Variants in KLF8 observed in about 807,000 individuals in gnomAD.
KLF8 encodes Krueppel-like factor 8.
Under a neutral mutation model 18.2 loss-of-function variants are expected in KLF8, and 10 were observed. The ratio of observed to expected loss-of-function variants is 0.55; its 90% CI spans 0.34 to 0.93. The LOEUF (loss-of-function observed/expected upper bound fraction) is 0.93. Among genes scored for constraint, KLF8 ranks in the 40% least tolerant of loss-of-function variants. The pLI is 0.02. For synonymous variants in KLF8, 109 were observed against 97.3 expected (o/e 1.12, Z -0.71); for missense variants, 264 against 277.9 (o/e 0.95, Z 0.36).
the KLF8 span, among the ~76,000 whole-genome samples, chrX:56,173,535 T>A: frequency 8.9e-6 from 1 of 112,169 alleles, no homozygotes; most frequent in East Asian, 2.8e-4. Context: ...GGTAGCGTGA[T>A]GCCTCCAGCT....
At chrX:56,120,983 G>GCA in the KLF8 span, among the ~76,000 whole-genome samples, 1 of 110,473 alleles carries the variant, frequency 9.1e-6, no homozygotes, top group African/African-American at 3.3e-5. Context: ...TCAGGAGATT[G>GCA]AGACCATCCT....
the KLF8 span, among the ~76,000 whole-genome samples, chrX:56,151,264 TA>T: frequency 9.0e-6 from 1 of 111,551 alleles, no homozygotes; most frequent in African/African-American, 3.3e-5. Flanking sequence ...GGTAGGGATG[TA>T]GTCTTTTTTT....
chrX:56,198,039 C>T, the KLF8 span, among the ~76,000 whole-genome samples: 3 of 111,983 alleles, frequency 2.7e-5, no homozygotes, highest in Non-Finnish European at 5.6e-5. Context: ...AATTCAACAG[C>T]CTTCCATGCT....
At chrX:56,003,879 G>A in the KLF8 span, among the ~76,000 whole-genome samples, 2 of 111,808 alleles carry the variant, frequency 1.8e-5, no homozygotes, top group Admixed American at 9.5e-5. Context: ...ATCATTTTCC[G>A]TGACACAAAG....
At chrX:56,199,394 A>G in the KLF8 span, among the ~76,000 whole-genome samples, 28 of 112,052 alleles carry the variant, frequency 2.5e-4, no homozygotes, top group Admixed American at 2.6e-3. Flanking sequence ...ATTTACAAGA[A>G]AAAAACAAAC....
At chrX:56,078,383 G>A in the KLF8 span, among the ~76,000 whole-genome samples, 8 of 112,123 alleles carry the variant, frequency 7.1e-5, no homozygotes, top group East Asian at 2.0e-3. Context: ...GGCCCTTTCT[G>A]CATCTATTGA....
Position 56,233,101 on chromosome X carries a change from G to A in KLF8, c.-234G>A, listed in dbSNP as rs776831227. On this transcript the variant is annotated 5_prime_UTR_variant, in exon 1 of 6. Transcript: ENST00000468660. ...GCTTTGTTTCCCTTGTTCCGAGAGTGGCCCAGCTGGGTCTGAATCGACTCC... is the reference window on the plus strand; with the variant it reads ...GCTTTGTTTCCCTTGTTCCGAGAGTAGCCCAGCTGGGTCTGAATCGACTCC... 124 of 396,241 alleles carry A rather than the reference G, an allele frequency of 3.1e-4. No homozygotes were observed. Among genetic ancestry groups the A allele is most frequent in the African/African-American group, 2.7e-3 (109 of 39,968 alleles). The allele number at this position is 396,241 out of a possible 1,213,427, so 32.7% of individuals were successfully genotyped here.
At chrX:56,270,381 C>CACACA in intron 5 of KLF8, 60 bp downstream of exon 5, 1 of 779,218 alleles carries the variant, frequency 1.3e-6, no homozygotes, top group Non-Finnish European at 1.6e-6. Context: ...CACACACACA[C>CACACA]GAGAGAGAGA....
chrX:55,947,682 C>G, the KLF8 span, among the ~76,000 whole-genome samples: 2 of 111,149 alleles, frequency 1.8e-5, no homozygotes, highest in Non-Finnish European at 3.8e-5. Flanking sequence ...GGGATCAGAG[C>G]AGAATCAAAT....
At chrX:55,937,464 C>T in the KLF8 span, among the ~76,000 whole-genome samples, 4,728 of 112,043 alleles carry the variant, frequency 0.042, 104 homozygotes, top group Admixed American at 0.074. Context: ...AAAATCAGAG[C>T]GACTCTCCTC....
chrX:56,079,438 G>A, the KLF8 span, among the ~76,000 whole-genome samples: 4 of 111,667 alleles, frequency 3.6e-5, no homozygotes, highest in Admixed American at 3.8e-4. Flanking sequence ...CAGTTCCCAT[G>A]TAGTTGAGTG....
chrX:56,155,590 A>T, the KLF8 span, among the ~76,000 whole-genome samples: 1 of 111,774 alleles, frequency 8.9e-6, no homozygotes, highest in African/African-American at 3.2e-5. Flanking sequence ...TGTACCCTAG[A>T]ACTTAAAGTA....
the KLF8 span, among the ~76,000 whole-genome samples, chrX:56,037,938 T>G: frequency 8.9e-6 from 1 of 112,022 alleles, no homozygotes; most frequent in Non-Finnish European, 1.9e-5. Flanking sequence ...ATATTTTTTG[T>G]ATGCATTAAC....
At chrX:56,117,845 A>G in the KLF8 span, among the ~76,000 whole-genome samples, 1 of 111,832 alleles carries the variant, frequency 8.9e-6, no homozygotes. Context: ...AGCTGCTAGG[A>G]CAAAGTACCA....
chrX:56,078,699 A>G, the KLF8 span, among the ~76,000 whole-genome samples: 1 of 111,866 alleles, frequency 8.9e-6, no homozygotes, highest in African/African-American at 3.3e-5. Flanking sequence ...ATTGACTGGA[A>G]TGATTTCAGA....
At chrX:56,251,405 C>CT (rs1370920536) in intron 2 of KLF8, among the ~76,000 whole-genome samples, 7 of 111,430 alleles carry the variant, frequency 6.3e-5, no homozygotes, top group Non-Finnish European at 1.1e-4. Context: ...ATTTAGGAAT[C>CT]TTTTTGTTAT....
chrX:56,170,436 AG>A, the KLF8 span, among the ~76,000 whole-genome samples: 1 of 110,551 alleles, frequency 9.0e-6, no homozygotes, highest in Non-Finnish European at 1.9e-5. Flanking sequence ...AAAAAGTTCA[AG>A]GTAACACAAA....
chrX:56,187,501 G>T, the KLF8 span, among the ~76,000 whole-genome samples: 2 of 111,550 alleles, frequency 1.8e-5, no homozygotes, highest in Non-Finnish European at 3.8e-5. Context: ...GAAAAAGAGG[G>T]AATCCTCCCT....
the KLF8 span, among the ~76,000 whole-genome samples, chrX:56,121,078 C>T: frequency 3.8e-5 from 4 of 104,278 alleles, no homozygotes; most frequent in African/African-American, 7.2e-5. Flanking sequence ...CCCTGCTATT[C>T]GGGAGGCTGA....
Sources: gnomAD v4.1 joint callset for allele counts (sites outside exome capture counted in the v4.1 genomes callset) on GRCh38, gnomAD v4.1.1 for gene constraint, MANE v1.5 for transcripts, NCBI Gene and HGNC (gene_info 2026-07-23, HGNC 2026-07-21) for gene names.